Variants in THSD7A observed in about 807,000 individuals in gnomAD.
THSD7A encodes the protein thrombospondin type-1 domain-containing protein 7A.
In THSD7A, 96 loss-of-function variants were observed where a neutral mutation model predicts 231.3. The ratio of observed to expected loss-of-function variants is 0.41; its 90% CI spans 0.35 to 0.49. The LOEUF (loss-of-function observed/expected upper bound fraction) is 0.49. Among genes scored for constraint, THSD7A ranks in the 20% least tolerant of loss-of-function variants. The pLI is 0.05. For missense variants in THSD7A, 2,290 were observed against 2,070.2 expected (o/e 1.11, Z -2.06); for synonymous variants, 940 against 743.3 (o/e 1.26, Z -4.30).
chr7:11,807,714 A>T (rs377249748), intron 1 of THSD7A, among the ~76,000 whole-genome samples: 1 of 152,116 alleles, frequency 6.6e-6, no homozygotes, highest in East Asian at 1.9e-4. Flanking sequence ...TCATGAAAAG[A>T]TTTATAACAC....
chr7:11,779,341 G>A (rs900380315), intron 1 of THSD7A, among the ~76,000 whole-genome samples: 3 of 151,760 alleles, frequency 2.0e-5, no homozygotes, highest in Admixed American at 1.3e-4. Flanking sequence ...CTTAATGGTC[G>A]GTATTAGAAG....
At chr7:11,466,153 G>A (rs1002673933) in intron 9 of THSD7A, among the ~76,000 whole-genome samples, 15 of 152,094 alleles carry the variant, frequency 9.9e-5, no homozygotes, top group African/African-American at 3.6e-4. Flanking sequence ...GGATAGTCCT[G>A]CACTTTAATA....
chr7:11,538,941 A>C (rs1789028266), intron 6 of THSD7A, among the ~76,000 whole-genome samples: 1 of 152,224 alleles, frequency 6.6e-6, no homozygotes, highest in South Asian at 2.1e-4. Context: ...TGAGGTCATT[A>C]ACAAAGTTGT....
chr7:11,402,512 C>T (rs1482296052), intron 22 of THSD7A, among the ~76,000 whole-genome samples: 1 of 152,114 alleles, frequency 6.6e-6, no homozygotes, highest in Non-Finnish European at 1.5e-5. Context: ...CTCACTATTT[C>T]CTCTGATCTA....
intron 6 of THSD7A, among the ~76,000 whole-genome samples, chr7:11,537,762 C>T (rs1788973391): frequency 6.6e-6 from 1 of 152,158 alleles, no homozygotes; most frequent in Non-Finnish European, 1.5e-5. Context: ...CAACTTCCCC[C>T]AGGTGTTTTC....
At chr7:11,657,098 A>T (rs918629291) in intron 1 of THSD7A, among the ~76,000 whole-genome samples, 6 of 151,824 alleles carry the variant, frequency 4.0e-5, no homozygotes, top group African/African-American at 1.2e-4. Flanking sequence ...AGCCTTAAAA[A>T]TGTGCTTTAA....
At chr7:11,517,058 C>A (rs925410998) in intron 6 of THSD7A, among the ~76,000 whole-genome samples, 1 of 152,140 alleles carries the variant, frequency 6.6e-6, no homozygotes, top group Admixed American at 6.6e-5. Flanking sequence ...AGCAAGAGAA[C>A]ATATAAATAC....
At chr7:11,650,265 G>A (rs971373332) in intron 1 of THSD7A, among the ~76,000 whole-genome samples, 1 of 151,950 alleles carries the variant, frequency 6.6e-6, no homozygotes, top group Non-Finnish European at 1.5e-5. Flanking sequence ...GAAAATACAA[G>A]TTGGTTGAAC....
intron 4 of THSD7A, among the ~76,000 whole-genome samples, chr7:11,588,491 T>A (rs558811895): frequency 6.6e-6 from 1 of 152,224 alleles, no homozygotes; most frequent in East Asian, 1.9e-4. Context: ...TACCTCCATA[T>A]CTATTGACCT....
intron 1 of THSD7A, among the ~76,000 whole-genome samples, chr7:11,699,103 T>C (rs1407832241): frequency 6.6e-6 from 1 of 150,956 alleles, no homozygotes; most frequent in Non-Finnish European, 1.5e-5. Flanking sequence ...ACCACCCTCA[T>C]ACAAATAAGA....
chr7:11,597,517 G>A (rs10268804), intron 2 of THSD7A, among the ~76,000 whole-genome samples: 2,781 of 152,288 alleles, frequency 0.018, 71 homozygotes, highest in African/African-American at 0.062. Context: ...GTCAGTGGCA[G>A]ATAGGCATGC....
chr7:11,503,012 A>G (rs59009728), intron 6 of THSD7A, among the ~76,000 whole-genome samples: 25,474 of 152,160 alleles, frequency 0.17, 2,375 homozygotes, highest in South Asian at 0.26. Flanking sequence ...CAAGGAGATC[A>G]TAAGCAAAAA....
At position 11,462,080 on chromosome 7, in the gene THSD7A, C is replaced by T. The variant is rs1278153576; in HGVS notation, c.2432G>A (p.Gly811Asp). The T allele has an allele frequency of 2.5e-6, 4 of 1,613,672 alleles. No homozygotes were observed. The highest frequency in any genetic ancestry group is 2.7e-5 in the African/African-American group (2 of 74,904). ...ATAGAGGGGATCTGTGCAGTCTCGG[C>T]CCCCGTTGGCTGGCAGCTGAATGAT... The part of the protein sequence containing the change: ...RVIIQLPANG[G>D]RDCTDPLYEE... Residue 811 changes from glycine to aspartate, a missense_variant, in exon 10 of 28, where the codon GGC (glycine) becomes GAC (aspartate). Gly to Asp is a moderately conservative substitution (Grantham distance 94). Coordinates refer to ENST00000423059, the MANE Select transcript of THSD7A (RefSeq NM_015204.3).
At chr7:11,396,727 C>A (rs544059830) in intron 23 of THSD7A, among the ~76,000 whole-genome samples, 1 of 152,298 alleles carries the variant, frequency 6.6e-6, no homozygotes, top group East Asian at 1.9e-4. Context: ...ACCATTCTTT[C>A]TGAAACTACT....
Position 11,745,830 on chromosome 7 carries a change from C to T in THSD7A, c.190+85927G>A, listed in dbSNP as rs189015024. 4.6e-3 allele frequency among the ~76,000 whole-genome samples: 693 copies of T among 152,172 alleles called. 5 individuals carry two copies. The highest frequency in any genetic ancestry group is 0.016 in the African/African-American group (658 of 41,528). ...TCTCTGTTTTGGTACCAGTACCATG[C>T]TGTTTTGGTTACTGTAGCCTTCTAG... On this transcript the variant is annotated intron_variant, in intron 1 of 27. Transcript: ENST00000423059.
intron 1 of THSD7A, among the ~76,000 whole-genome samples, chr7:11,648,842 C>T (rs1209027514): frequency 6.6e-6 from 1 of 151,856 alleles, no homozygotes; most frequent in Non-Finnish European, 1.5e-5. Context: ...ATCTTCTGGG[C>T]CACTATGATC....
intron 1 of THSD7A, among the ~76,000 whole-genome samples, chr7:11,778,034 G>GTAGTCCCA (rs1002642323): frequency 2.7e-5 from 4 of 148,014 alleles, no homozygotes; most frequent in African/African-American, 9.9e-5. Flanking sequence ...GCGGGCGCCT[G>GTAGTCCCA]TAGTCCCAGC....
At chr7:11,499,615 C>T (rs1233871881) in intron 6 of THSD7A, among the ~76,000 whole-genome samples, 12 of 152,026 alleles carry the variant, frequency 7.9e-5, no homozygotes, top group Non-Finnish European at 1.6e-4. Flanking sequence ...ATAGCCAGTA[C>T]AAAAAAGAAT....
rs1395724309 is a variant in THSD7A at position 11,831,414 on chromosome 7, CTT to C, written c.190+341_190+342del. Among the ~76,000 whole-genome samples, 1 of 152,130 alleles carries C rather than the reference CTT, an allele frequency of 6.6e-6. No homozygotes were observed. Among genetic ancestry groups the C allele is most frequent in the Non-Finnish European group, 1.5e-5 (1 of 68,016 alleles). On this transcript the variant is annotated intron_variant, in intron 1 of 27. Coordinates refer to ENST00000423059, the MANE Select transcript of THSD7A (RefSeq NM_015204.3). The surrounding 1 kb of genome is among the most constrained non-coding windows in gnomAD (Gnocchi z 5.0). ...AAAGAATAAAGACTGAGACTAAACT[CTT>C]TGCTTGTTCTTTGCTAGAAATCTGT... is the stretch of plus-strand genomic sequence containing the variant.
Sources: allele counts gnomAD v4.1 joint callset (sites outside exome capture counted in the v4.1 genomes callset), GRCh38; gene constraint gnomAD v4.1.1; non-coding constraint Gnocchi (gnomAD v3.1); transcripts MANE v1.5; gene names NCBI Gene and HGNC (gene_info 2026-07-23, HGNC 2026-07-21).